Variants in BNIP3L observed in about 807,000 individuals in gnomAD.
BNIP3L encodes BCL2 interacting protein 3 like.
Under a neutral mutation model 25.5 loss-of-function variants are expected in BNIP3L, and 10 were observed. That is an observed-to-expected ratio of 0.39 (90% confidence interval 0.24 to 0.67). The LOEUF (loss-of-function observed/expected upper bound fraction) is 0.67, where lower values mean the gene tolerates loss of function less well. Among genes scored for constraint, BNIP3L ranks in the 30% least tolerant of loss-of-function variants. The probability of loss-of-function intolerance (pLI) is 0.45; values close to 1 mark genes in which losing one functional copy is unlikely to be tolerated. For synonymous variants in BNIP3L, 113 were observed against 101.2 expected (o/e 1.12, Z -0.70); for missense variants, 215 against 270.9 (o/e 0.79, Z 1.45).
At chr8:26,394,304 A>ATAT (rs1806180633) in intron 2 of BNIP3L, among the ~76,000 whole-genome samples, 1 of 152,086 alleles carries the variant, frequency 6.6e-6, no homozygotes, top group South Asian at 2.1e-4. Flanking sequence ...TTATATTAAT[A>ATAT]TATAAGTTAT....
chr8:26,409,507 G>A (rs2117498976), intron 5 of BNIP3L, among the ~76,000 whole-genome samples: 2 of 152,280 alleles, frequency 1.3e-5, no homozygotes, highest in Middle Eastern at 3.4e-3. Context: ...ATCTGCTTTT[G>A]TGAGGGCAAG....
chr8:26,398,576 G>A (rs1304846797), intron 3 of BNIP3L, among the ~76,000 whole-genome samples: 93 of 135,140 alleles, frequency 6.9e-4, no homozygotes, highest in African/African-American at 2.0e-3. Context: ...AGAAAAGCAA[G>A]AGCAAACACA....
intron 3 of BNIP3L, among the ~76,000 whole-genome samples, chr8:26,403,752 C>T (rs1806441281): frequency 6.6e-6 from 1 of 151,842 alleles, no homozygotes; most frequent in Non-Finnish European, 1.5e-5. Flanking sequence ...ATTGCCCAGG[C>T]CGTTTTCAAA....
At position 26,407,962 on chromosome 8, in the gene BNIP3L, C is replaced by G. The variant is rs767160183; in HGVS notation, c.358-38C>G. On this transcript the variant is annotated intron_variant, in intron 3 of 5. Coordinates refer to ENST00000380629, the MANE Select transcript of BNIP3L (RefSeq NM_004331.3). ...TTTCTTTGTATTAGGAGGAATTGGTCTTCCTTTTTTTCTTAAAGTTTGAAT... is the reference window on the plus strand; with the variant it reads ...TTTCTTTGTATTAGGAGGAATTGGTGTTCCTTTTTTTCTTAAAGTTTGAAT... The G allele has an allele frequency of 1.9e-6, 3 of 1,578,682 alleles. No homozygotes were observed. In the East Asian group the frequency reaches 6.7e-5, roughly 35 times the overall value.
intron 1 of BNIP3L, among the ~76,000 whole-genome samples, chr8:26,386,219 A>G (rs1805988456): frequency 6.6e-6 from 1 of 152,178 alleles, no homozygotes; most frequent in Non-Finnish European, 1.5e-5. Context: ...CACTTTCATT[A>G]AAAATTACAG....
chr8:26,396,119 A>G (rs1806235858), intron 3 of BNIP3L: 1 of 145,174 alleles, frequency 6.9e-6, no homozygotes, highest in South Asian at 2.3e-4. Flanking sequence ...GGTGGAGCCC[A>G]CCACAGCTCA....
chr8:26,402,065 T>C (rs938074366), intron 3 of BNIP3L, among the ~76,000 whole-genome samples: 1 of 152,234 alleles, frequency 6.6e-6, no homozygotes, highest in Non-Finnish European at 1.5e-5. Context: ...CTCACTATTC[T>C]GTGTCCTGGG....
intron 3 of BNIP3L, among the ~76,000 whole-genome samples, chr8:26,407,046 G>A (rs992648972): frequency 6.6e-6 from 1 of 150,688 alleles, no homozygotes; most frequent in Non-Finnish European, 1.5e-5. Context: ...AGGCTGGAGT[G>A]TAGTGGCTGG....
intron 1 of BNIP3L, among the ~76,000 whole-genome samples, chr8:26,389,699 G>A (rs746287241): frequency 2.0e-5 from 3 of 152,138 alleles, no homozygotes; most frequent in Non-Finnish European, 4.4e-5. Flanking sequence ...ACAGCACCCC[G>A]GTGTTATTAT....
rs536086157 is a variant in BNIP3L, at chr8:26,412,895, G to A, written c.*2483G>A. The A allele has an allele frequency of 3.7e-4, 56 of 152,688 alleles. No homozygotes were observed. Among genetic ancestry groups the A allele is most frequent in the African/African-American group, 1.3e-3 (53 of 41,578 alleles). The allele number at this position is 152,688 out of a possible 1,614,324, so 9.5% of individuals were successfully genotyped here. On this transcript the variant is annotated 3_prime_UTR_variant, in exon 6 of 6. Coordinates refer to ENST00000380629, the MANE Select transcript of BNIP3L (RefSeq NM_004331.3). ...ACATTGGAAAGTGCAACAAGTTCCCGTGATTGCAGTAAAAATATTTACTAT... is the reference window on the plus strand; with the variant it reads ...ACATTGGAAAGTGCAACAAGTTCCCATGATTGCAGTAAAAATATTTACTAT...
rs200275106 is a variant in BNIP3L at position 26,383,153 on chromosome 8, C to T, written c.23C>T (p.Pro8Leu). The T allele has an allele frequency of 6.2e-7, 1 of 1,605,528 alleles. No individual in the cohort carries two copies. Among genetic ancestry groups the T allele is most frequent in the East Asian group, 2.2e-5 (1 of 44,752 alleles). The change falls in exon 1 of 6, where the codon CCG becomes CTG. Residue 8 changes from proline to leucine, a missense_variant. Around this residue, in one of 4 missense-constraint regions of BNIP3L, gnomAD observed 69 missense variants for 53.6 expected, o/e 1.29. Transcript: ENST00000380629. MSSHLVE[P>L]PPPLHNNNNN... ...ACAATGTCGTCCCACCTAGTCGAGC[C>T]GCCGCCGCCCCTGCACAACAACAAC...
chr8:26,406,680 G>A (rs1234714272), intron 3 of BNIP3L, among the ~76,000 whole-genome samples: 1 of 151,908 alleles, frequency 6.6e-6, no homozygotes, highest in Non-Finnish European at 1.5e-5. Flanking sequence ...AAATTAGCTG[G>A]GCGTGGTGGC....
At chr8:26,405,008 T>G (rs962840719) in intron 3 of BNIP3L, among the ~76,000 whole-genome samples, 1 of 150,990 alleles carries the variant, frequency 6.6e-6, no homozygotes, top group Non-Finnish European at 1.5e-5. Flanking sequence ...AGCTTACCAC[T>G]CTTATTCTTA....
At chr8:26,391,567 C>G in intron 2 of BNIP3L, 141 bp downstream of exon 2, 1 of 644,986 alleles carries the variant, frequency 1.6e-6, no homozygotes, top group Non-Finnish European at 2.4e-6. Context: ...ATATATTGCA[C>G]AGATATATAT....
At chr8:26,383,644 C>CG (rs1372475351) in intron 1 of BNIP3L, 1 of 230,038 alleles carries the variant, frequency 4.3e-6, no homozygotes, top group African/African-American at 2.8e-5. Context: ...GGGATGGACG[C>CG]GCGGGAGCGG....
chr8:26,383,506 G>A (rs1211034478), intron 1 of BNIP3L: 3 of 1,056,260 alleles, frequency 2.8e-6, no homozygotes, highest in African/African-American at 1.7e-5. Context: ...GGTGCGGGGG[G>A]TGGTCCCCAG....
At position 26,412,815 on chromosome 8, in the gene BNIP3L, A is replaced by T. The variant is rs1393119280; in HGVS notation, c.*2403A>T. The T allele has an allele frequency of 1.3e-5, 2 of 152,644 alleles. No individual in the cohort carries two copies. The highest frequency in any genetic ancestry group is 4.8e-5 in the African/African-American group (2 of 41,452). The allele number at this position is 152,644 out of a possible 1,614,324, so 9.5% of individuals were successfully genotyped here. The stretch of plus-strand genomic sequence containing the variant: ...GCTTCATTTTTCATATGTTTGATGA[A>T]AACTGGCTCAAGATGTTTGTAAATA... On this transcript the variant is annotated 3_prime_UTR_variant, in exon 6 of 6. Coordinates refer to ENST00000380629, the MANE Select transcript of BNIP3L (RefSeq NM_004331.3).
At position 26,392,277 on chromosome 8, in the gene BNIP3L, C is replaced by A. The variant is rs187015611; in HGVS notation, c.284+851C>A. ...GCATTATGGGGCACTGGATGACCTT[C>A]TGGGTGGTTGTTAACTGATGTTAAC... On this transcript the variant is annotated intron_variant, in intron 2 of 5. Transcript: ENST00000380629. Among the ~76,000 whole-genome samples, 3 of 149,100 alleles carry A rather than the reference C, an allele frequency of 2.0e-5. No homozygotes were observed. In the East Asian group the frequency reaches 5.9e-4, roughly 30 times the overall value.
Position 26,408,022 on chromosome 8 carries a change from G to A in BNIP3L, c.380G>A (p.Gly127Glu). ...CAGTCAGAAGAAGAAGTTGTAGAAG[G>A]AGAGAAGGAAGTCGAGGCTTTGAAG... is the stretch of plus-strand genomic sequence containing the variant. ...SSQSEEEVVE[G>E]EKEVEALKKS... Residue 127 changes from glycine to glutamate, a missense_variant, in exon 4 of 6, where the codon GGA (glycine) becomes GAA (glutamate). Gly to Glu is a moderately conservative substitution (Grantham distance 98). This residue lies in a region of BNIP3L where 47 missense variants were observed against 43.3 expected (regional missense o/e 1.09). Transcript: ENST00000380629. 3 of 1,614,204 alleles carry A rather than the reference G, an allele frequency of 1.9e-6. No individual in the cohort carries two copies. In the South Asian group the frequency reaches 3.3e-5, roughly 18 times the overall value.
Sources: gnomAD v4.1 joint callset for allele counts (sites outside exome capture counted in the v4.1 genomes callset) on GRCh38, gnomAD v4.1.1 for gene constraint, gnomAD v4.1.1 regional missense constraint, MANE v1.5 for transcripts, NCBI Gene and HGNC (gene_info 2026-07-23, HGNC 2026-07-21) for gene names.